CLN6: variants seen among roughly 807,000 people sequenced by gnomAD.
CLN6 encodes the protein ceroid-lipofuscinosis neuronal protein 6.
In CLN6, 22 loss-of-function variants were observed where a neutral mutation model predicts 33.3. The ratio of observed to expected loss-of-function variants is 0.66; its 90% CI spans 0.47 to 0.94. The LOEUF (loss-of-function observed/expected upper bound fraction) is 0.94, where lower values mean the gene tolerates loss of function less well. Among genes scored for constraint, CLN6 ranks in the 40% least tolerant of loss-of-function variants. CLN6 has a pLI of 0.00. For synonymous variants in CLN6, 201 were observed against 174.6 expected, an observed-to-expected ratio of 1.15 and a Z score of -1.19; for missense variants, 387 against 417.1, an observed-to-expected ratio of 0.93 and a Z score of 0.63.
At chr15:68,212,866 A>G (rs2093210110) in intron 3 of CLN6, 1 of 152,174 alleles carries the variant, frequency 6.6e-6, no homozygotes. Flanking sequence ...TTAATTTTAT[A>G]TAACATTTTA....
At chr15:68,213,234 A>C (rs895038258) in intron 3 of CLN6, 2 of 146,776 alleles carry the variant, frequency 1.4e-5, no homozygotes, top group African/African-American at 5.1e-5. Flanking sequence ...AGTTTTTTGT[A>C]TTTTTTTCTT....
chr15:68,249,538 G>A (rs1204157692), intron 1 of CLN6, among the ~76,000 whole-genome samples: 1 of 152,164 alleles, frequency 6.6e-6, no homozygotes, highest in East Asian at 1.9e-4. Context: ...AGATAGAACT[G>A]GAGATCATTA....
chr15:68,209,704 A>C lies in CLN6; in HGVS notation c.598T>G (p.Ser200Ala). The C allele has an allele frequency of 6.2e-7, 1 of 1,613,816 alleles. No individual in the cohort carries two copies. The highest frequency in any genetic ancestry group is 8.5e-7 in the Non-Finnish European group (1 of 1,179,952). Residue 200 changes from serine to alanine, a missense_variant, in exon 6 of 7, where the codon TCT (serine) becomes GCT (alanine). Coordinates refer to ENST00000249806, the MANE Select transcript of CLN6 (RefSeq NM_017882.3). The surrounding 1 kb of genome is among the most constrained non-coding windows in gnomAD (Gnocchi z 4.9). ...CCTGGAATCAAGCTCTCAGCTTTAG[A>C]GGCAGTAAAGCAGCCGCTGAAGTAC... ...FMYFSGCFTA[S>A]KAESLIPGPA...
Position 68,211,654 on chromosome 15 carries a change from G to T in CLN6, c.486+21C>A. On this transcript the variant is annotated intron_variant, in intron 4 of 6. Transcript: ENST00000249806. The surrounding 1 kb of genome is among the most constrained non-coding windows in gnomAD (Gnocchi z 5.9). The stretch of plus-strand genomic sequence containing the variant: ...ACTGTGCTCCTAGGGCTTACAGGCA[G>T]GGAGCAGGAGGTGGCCTCACCAGCG... 1 of 1,612,730 alleles carries T rather than the reference G, an allele frequency of 6.2e-7. No homozygotes were observed. The highest frequency in any genetic ancestry group is 1.1e-5 in the South Asian group (1 of 90,976).
rs969157996 is a variant in CLN6 at position 68,236,875 on chromosome 15, C to T, written c.180-18225G>A. On this transcript the variant is annotated intron_variant, in intron 1 of 6. Coordinates refer to the CLN6 transcript ENST00000538696. This position sits in a 1 kb window ranked among gnomAD's most constrained non-coding sequence, Gnocchi z 4.5. ...TGTTGACATTAAAACTGAATGGAGG[C>T]GGCCGGGCGCGGTGGCTCACGCCTG... 7.2e-5 allele frequency among the ~76,000 whole-genome samples: 11 copies of T among 152,144 alleles called. No individual in the cohort carries two copies. The highest frequency in any genetic ancestry group is 1.4e-4 in the African/African-American group (6 of 41,424).
At position 68,211,311 on chromosome 15, in the gene CLN6, G is replaced by A. The variant is rs1595818025; in HGVS notation, c.494C>T (p.Ser165Phe). The change falls in exon 5 of 7, where the codon TCC becomes TTC. Residue 165 changes from serine to phenylalanine, a missense_variant. Physicochemically the swap from Ser to Phe is radical, Grantham distance 155. Coordinates refer to ENST00000249806, the MANE Select transcript of CLN6 (RefSeq NM_017882.3). The surrounding 1 kb of genome is among the most constrained non-coding windows in gnomAD (Gnocchi z 5.9). ...ATCATAATAGTAGAGCAGCTCAAAG[G>A]AGTCGATCTGAGGGAGGAACGGGCA... The part of the protein sequence containing the change: ...KNLKPETLID[S>F]FELLYYYDEY... 1 of 1,613,990 alleles carries A rather than the reference G, an allele frequency of 6.2e-7. No individual in the cohort carries two copies.
chr15:68,245,032 CAAAA>C (rs34008952), intron 1 of CLN6, among the ~76,000 whole-genome samples: 30 of 101,134 alleles, frequency 3.0e-4, no homozygotes, highest in African/African-American at 8.2e-4. Flanking sequence ...AAGACTCTGA[CAAAA>C]AAAAAAAAAA....
chr15:68,223,398 C>T (rs1157380192), intron 1 of CLN6, among the ~76,000 whole-genome samples: 2 of 152,104 alleles, frequency 1.3e-5, no homozygotes, highest in East Asian at 1.9e-4. Flanking sequence ...TGGTCTGAGA[C>T]GAGTGACCAA....
chr15:68,253,352 T>G (rs1323942854), intron 1 of CLN6, among the ~76,000 whole-genome samples: 2 of 152,264 alleles, frequency 1.3e-5, no homozygotes, highest in East Asian at 1.9e-4. Context: ...TTCTGCCTGG[T>G]TATGTAACTA....
At chr15:68,224,515 G>A (rs1408635119) in intron 1 of CLN6, among the ~76,000 whole-genome samples, 4 of 151,454 alleles carry the variant, frequency 2.6e-5, no homozygotes, top group Non-Finnish European at 5.9e-5. Flanking sequence ...TCAGCTACTG[G>A]GGAGGCTGAG....
chr15:68,229,740 G>T, upstream of CLN6: 1 of 456,500 alleles, frequency 2.2e-6, no homozygotes, highest in Non-Finnish European at 3.5e-6. Context: ...CGGGGCTGCG[G>T]ACCCGGGGCG....
At chr15:68,249,706 G>A (rs1049251855) in intron 1 of CLN6, among the ~76,000 whole-genome samples, 1 of 152,164 alleles carries the variant, frequency 6.6e-6, no homozygotes, top group Non-Finnish European at 1.5e-5. Flanking sequence ...TACACAGTTA[G>A]GTAGAAGAAA....
chr15:68,238,699 C>T (rs1892251258), intron 1 of CLN6, among the ~76,000 whole-genome samples: 1 of 151,936 alleles, frequency 6.6e-6, no homozygotes, highest in Non-Finnish European at 1.5e-5. Flanking sequence ...GAGATTTTAC[C>T]ACTAACAGGC....
In CLN6 at chr15:68,242,312, C is replaced by G. The variant is rs993382143; in HGVS notation, c.179+14378G>C. On this transcript the variant is annotated intron_variant, in intron 1 of 6. Coordinates refer to the CLN6 transcript ENST00000538696. This position sits in a 1 kb window ranked among gnomAD's most constrained non-coding sequence, Gnocchi z 5.0. The stretch of plus-strand genomic sequence containing the variant: ...AAAATTCATTAGAGACTCTCAACAG[C>G]AGAATGGATCAAGCAGAGGAAAGAA... Among the ~76,000 whole-genome samples, 2 of 151,896 alleles carry G rather than the reference C, an allele frequency of 1.3e-5. No individual in the cohort carries two copies. The highest frequency in any genetic ancestry group is 4.8e-5 in the African/African-American group (2 of 41,354).
intron 1 of CLN6, among the ~76,000 whole-genome samples, chr15:68,237,988 T>TG (rs1040553447): frequency 3.3e-5 from 5 of 151,674 alleles, no homozygotes; most frequent in African/African-American, 1.2e-4. Flanking sequence ...CTGAGCGTGG[T>TG]GGTGGGTGCC....
chr15:68,253,697 CATG>C (rs1333010670), intron 1 of CLN6, among the ~76,000 whole-genome samples: 1 of 152,228 alleles, frequency 6.6e-6, no homozygotes, highest in Non-Finnish European at 1.5e-5. Flanking sequence ...AGCTTGTTCA[CATG>C]ATGTGATTGA....
intron 1 of CLN6, among the ~76,000 whole-genome samples, chr15:68,244,939 A>G (rs1486644103): frequency 6.8e-6 from 1 of 146,802 alleles, no homozygotes; most frequent in Non-Finnish European, 1.5e-5. Context: ...CTATAATCCC[A>G]CCTACTTGGG....
At position 68,236,215 on chromosome 15, in the gene CLN6, AAATACAGAGTT is replaced by A. The variant is rs1416104665; in HGVS notation, c.180-17576_180-17566del. Among the ~76,000 whole-genome samples the A allele has an allele frequency of 6.6e-6, 1 of 152,232 alleles. No homozygotes were observed. Among genetic ancestry groups the A allele is most frequent in the East Asian group, 1.9e-4 (1 of 5,204 alleles). On this transcript the variant is annotated intron_variant, in intron 1 of 6. Coordinates refer to the CLN6 transcript ENST00000538696. The surrounding 1 kb of genome is among the most constrained non-coding windows in gnomAD (Gnocchi z 4.5). Reference sequence around the variant, plus strand: ...TAGTCCAGCAGGTCCTCAAACTGTTAAATACAGAGTTAGTACATGACCCAGCAACTCTGCTT... The same window carrying A: ...TAGTCCAGCAGGTCCTCAAACTGTTAAGTACATGACCCAGCAACTCTGCTT...
At chr15:68,225,453 C>T (rs1043348063) in intron 1 of CLN6, among the ~76,000 whole-genome samples, 2 of 152,038 alleles carry the variant, frequency 1.3e-5, no homozygotes, top group Admixed American at 1.3e-4. Flanking sequence ...GTGAGGAAAG[C>T]TAAAGTTTAG....
Sources: gnomAD v4.1 joint callset for allele counts (sites outside exome capture counted in the v4.1 genomes callset) on GRCh38, gnomAD v4.1.1 for gene constraint, Gnocchi (gnomAD v3.1) non-coding constraint, MANE v1.5 for transcripts, NCBI Gene and HGNC (gene_info 2026-07-23, HGNC 2026-07-21) for gene names.